ST8SIA4: variants seen among roughly 807,000 people sequenced by gnomAD.
ST8SIA4 encodes the protein ST8 alpha-N-acetyl-neuraminide alpha-2,8-sialyltransferase 4.
In ST8SIA4, 15 loss-of-function variants were observed where a neutral mutation model predicts 33.9. That is an observed-to-expected ratio of 0.44 (90% confidence interval 0.30 to 0.68). The LOEUF (loss-of-function observed/expected upper bound fraction) is 0.68. ST8SIA4 is among the 30% of genes least tolerant of loss of function. ST8SIA4 has a pLI of 0.10. For missense variants in ST8SIA4, 321 were observed against 428.0 expected (o/e 0.75, Z 2.21); for synonymous variants, 171 against 151.2 (o/e 1.13, Z -0.96).
intron 2 of ST8SIA4, among the ~76,000 whole-genome samples, chr5:100,887,836 C>T (rs990100541): frequency 2.0e-5 from 3 of 151,986 alleles, no homozygotes; most frequent in Non-Finnish European, 4.4e-5. Context: ...CATAAAATAG[C>T]CAACTAACTT....
chr5:100,882,729 C>A (rs903741848), intron 3 of ST8SIA4, among the ~76,000 whole-genome samples: 6 of 152,230 alleles, frequency 3.9e-5, no homozygotes, highest in Admixed American at 3.9e-4. Flanking sequence ...GCTGCTCCAG[C>A]CATGGCTGAA....
intron 3 of ST8SIA4, among the ~76,000 whole-genome samples, chr5:100,876,201 C>G (rs1424111737): frequency 6.6e-6 from 1 of 152,042 alleles, no homozygotes; most frequent in African/African-American, 2.4e-5. Flanking sequence ...ACTGAACATT[C>G]TTTCATACAG....
Position 100,900,513 on chromosome 5 carries a change from A to G in ST8SIA4, c.113+2330T>C, listed in dbSNP as rs115277218. ...ATGAGCTCGGGTCACAAGCTTTTCCACGAACCTTTCATCCTGGAGAAAAAG... is the reference window on the plus strand; with the variant it reads ...ATGAGCTCGGGTCACAAGCTTTTCCGCGAACCTTTCATCCTGGAGAAAAAG... On this transcript the variant is annotated intron_variant, in intron 1 of 4. Coordinates refer to ENST00000231461, the MANE Select transcript of ST8SIA4 (RefSeq NM_005668.6). 1,374 of 456,198 alleles carry G rather than the reference A, an allele frequency of 3.0e-3. 14 individuals are homozygous for G. Among genetic ancestry groups the G allele is most frequent in the African/African-American group, 0.025 (1,261 of 50,174 alleles). 28.3% of individuals were successfully genotyped at this position (456,198 alleles called of 1,614,324 possible).
intron 3 of ST8SIA4, among the ~76,000 whole-genome samples, chr5:100,858,342 A>G (rs1265693641): frequency 6.6e-6 from 1 of 151,924 alleles, no homozygotes; most frequent in Non-Finnish European, 1.5e-5. Context: ...ACTAAAACAA[A>G]CCCTCAGTAA....
chr5:100,881,962 C>T (rs1003012383), intron 3 of ST8SIA4, among the ~76,000 whole-genome samples: 5 of 152,154 alleles, frequency 3.3e-5, no homozygotes, highest in African/African-American at 4.8e-5. Context: ...CAGTCTCAGG[C>T]ATGTCTTTAT....
chr5:100,900,347 G>A, intron 1 of ST8SIA4: 2 of 449,592 alleles, frequency 4.4e-6, no homozygotes, highest in East Asian at 7.0e-5. Context: ...ATCTGGAGCC[G>A]AACCTCCATT....
chr5:100,893,260 C>T (rs1181140388), intron 2 of ST8SIA4, among the ~76,000 whole-genome samples: 3 of 152,060 alleles, frequency 2.0e-5, no homozygotes, highest in Non-Finnish European at 4.4e-5. Flanking sequence ...TTACAGGTAT[C>T]AAACTGATTA....
At chr5:100,896,906 G>A (rs1752790976) in intron 1 of ST8SIA4, among the ~76,000 whole-genome samples, 1 of 152,080 alleles carries the variant, frequency 6.6e-6, no homozygotes, top group Admixed American at 6.6e-5. Flanking sequence ...TGGAATATCA[G>A]GTGATCTGGG....
chr5:100,838,840 G>A (rs764338161), intron 4 of ST8SIA4, among the ~76,000 whole-genome samples: 32 of 151,888 alleles, frequency 2.1e-4, no homozygotes, highest in Non-Finnish European at 4.0e-4. Context: ...TAGCAAATAT[G>A]TACAATAGAA....
rs1380930787 is a variant in ST8SIA4 at position 100,811,237 on chromosome 5, A to G, written c.*610T>C. 1 of 152,580 alleles carries G rather than the reference A, an allele frequency of 6.6e-6. No homozygotes were observed. The highest frequency in any genetic ancestry group is 2.4e-5 in the African/African-American group (1 of 41,434). The allele number at this position is 152,580 out of a possible 1,614,324, so 9.5% of individuals were successfully genotyped here. On this transcript the variant is annotated 3_prime_UTR_variant, in exon 5 of 5. Coordinates refer to ENST00000231461, the MANE Select transcript of ST8SIA4 (RefSeq NM_005668.6). ...ATAAGAACTTTAAAAATAATTACTT[A>G]AAGTTTATTTCCTCACTCATATGCA...
chr5:100,856,564 G>A (rs144391613), intron 3 of ST8SIA4, among the ~76,000 whole-genome samples, 168 bp from the exon 4 acceptor site: 1 of 152,148 alleles, frequency 6.6e-6, no homozygotes. Context: ...GTCTCCGCAC[G>A]TGCAGGAATA....
chr5:100,886,709 A>G, intron 2 of ST8SIA4, 109 bp from the exon 3 acceptor site: 1 of 861,934 alleles, frequency 1.2e-6, no homozygotes, highest in Non-Finnish European at 1.8e-6. Flanking sequence ...CAAACTATTA[A>G]TCTTAGATTA....
At position 100,814,418 on chromosome 5, in the gene ST8SIA4, T is replaced by C. The variant is rs1250997944; in HGVS notation, c.798-2289A>G. On this transcript the variant is annotated intron_variant, in intron 4 of 4. Transcript: ENST00000231461. ...TAACAGAAAAATAAATTTTGTGATA[T>C]TTGATTTGCAACAGTTTGAATAATT... 2.0e-5 allele frequency among the ~76,000 whole-genome samples: 3 copies of C among 152,148 alleles called. 1 individual carries two copies. The highest frequency in any genetic ancestry group is 4.1e-4 in the South Asian group (2 of 4,830).
At chr5:100,838,158 T>C (rs1375361372) in intron 4 of ST8SIA4, among the ~76,000 whole-genome samples, 2 of 151,978 alleles carry the variant, frequency 1.3e-5, no homozygotes, top group African/African-American at 2.4e-5. Flanking sequence ...GCCTAGAGTA[T>C]AGAAGACAGC....
chr5:100,855,296 A>G (rs1751790394), intron 4 of ST8SIA4, among the ~76,000 whole-genome samples: 1 of 152,210 alleles, frequency 6.6e-6, no homozygotes, highest in East Asian at 1.9e-4. Context: ...GGGACAAATT[A>G]TACACCTCTG....
chr5:100,812,163 GA>G, intron 4 of ST8SIA4, 34 bp from the exon 5 acceptor site: 1 of 1,585,818 alleles, frequency 6.3e-7, no homozygotes, highest in Non-Finnish European at 8.6e-7. Flanking sequence ...AAGAAGAGAA[GA>G]ATTTAGACAC....
At chr5:100,845,428 C>T (rs1388988536) in intron 4 of ST8SIA4, among the ~76,000 whole-genome samples, 2 of 151,460 alleles carry the variant, frequency 1.3e-5, no homozygotes, top group Admixed American at 1.3e-4. Flanking sequence ...TATAAGAAAT[C>T]TCTGAATGCG....
At chr5:100,838,468 AAT>A (rs1751407768) in intron 4 of ST8SIA4, among the ~76,000 whole-genome samples, 1 of 151,996 alleles carries the variant, frequency 6.6e-6, no homozygotes, top group African/African-American at 2.4e-5. Context: ...AATGAAGACC[AAT>A]GTTACATTAC....
rs1750820144 is a variant in ST8SIA4 at position 100,811,722 on chromosome 5, C to T, written c.*125G>A. The T allele has an allele frequency of 6.4e-6, 6 of 942,380 alleles. No homozygotes were observed. Among genetic ancestry groups the T allele is most frequent in the African/African-American group, 3.3e-5 (2 of 60,192 alleles). The allele number at this position is 942,380 out of a possible 1,614,324, so 58.4% of individuals were successfully genotyped here. ...CAGCTGGTAGTCGATTTCTCATGAA[C>T]GTCCTTTATTCACCTTTCAGTTCAT... is the stretch of plus-strand genomic sequence containing the variant. On this transcript the variant is annotated 3_prime_UTR_variant, in exon 5 of 5. Coordinates refer to ENST00000231461, the MANE Select transcript of ST8SIA4 (RefSeq NM_005668.6).
Sources: gnomAD v4.1 joint callset for allele counts (sites outside exome capture counted in the v4.1 genomes callset) on GRCh38, gnomAD v4.1.1 for gene constraint, MANE v1.5 for transcripts, NCBI Gene and HGNC (gene_info 2026-07-23, HGNC 2026-07-21) for gene names.